GSS: variants seen among roughly 807,000 people sequenced by gnomAD.
The protein encoded by GSS is GSH synthetase.
Under a neutral mutation model 60.4 loss-of-function variants are expected in GSS, and 34 were observed. That is an observed-to-expected ratio of 0.56 (90% CI 0.43 to 0.75). GSS has a LOEUF of 0.75. Among genes scored for constraint, GSS ranks in the 30% least tolerant of loss-of-function variants. The probability of loss-of-function intolerance (pLI) is 0.00; values close to 1 mark genes in which losing one functional copy is unlikely to be tolerated. For missense variants in GSS, 499 were observed against 595.1 expected, an observed-to-expected ratio of 0.84 and a Z score of 1.68; for synonymous variants, 224 against 239.0, an observed-to-expected ratio of 0.94 and a Z score of 0.58.
chr20:34,944,886 C>G lies in GSS; in HGVS notation c.275+1067G>C, dbSNP rs2081508562. The stretch of plus-strand genomic sequence containing the variant: ...GTTCAACAAGTTTTGAATTTTGGAG[C>G]ATTTCAGCTTTTGGATTTTTGGATT... On this transcript the variant is annotated intron_variant, in intron 3 of 12. Transcript: ENST00000651619. Among the ~76,000 whole-genome samples, 3 of 152,176 alleles carry G rather than the reference C, an allele frequency of 2.0e-5. No homozygotes were observed. In the South Asian group the frequency reaches 6.2e-4, roughly 32 times the overall value.
rs780392837 is a variant in GSS at position 34,942,541 on chromosome 20, G to A, written c.438C>T (p.Asn146=). The A allele has an allele frequency of 6.2e-7, 1 of 1,614,094 alleles. No homozygotes were observed. The highest frequency in any genetic ancestry group is 8.5e-7 in the Non-Finnish European group (1 of 1,179,934). The change falls in exon 5 of 13, where the codon AAC becomes AAT. Residue 146 remains asparagine, a synonymous_variant. Transcript: ENST00000651619. The part of the protein sequence containing the change: ...GSPALKQIEI[N]TISASFGGLA... Reference sequence around the variant, plus strand: ...GGCCCCCAAAGCTGGCAGAGATGGTGTTGATTTCGATCTGTTTCAGGGCTG... The same window carrying A: ...GGCCCCCAAAGCTGGCAGAGATGGTATTGATTTCGATCTGTTTCAGGGCTG...
intron 1 of GSS, chr20:34,955,471 C>G (rs534681487): frequency 6.6e-5 from 10 of 152,422 alleles, no homozygotes; most frequent in African/African-American, 2.2e-4. Context: ...CGTTGTAGCT[C>G]TAACTGGCTC....
intron 9 of GSS, 46 bp from the exon 10 acceptor site, chr20:34,932,179 A>G: frequency 6.7e-7 from 1 of 1,481,622 alleles, no homozygotes; most frequent in Non-Finnish European, 9.4e-7. Flanking sequence ...ATTTTACTTC[A>G]GCTGACGTTT....
At chr20:34,935,691 G>C (rs925828335) in intron 8 of GSS, 49 bp from the exon 9 acceptor site, 2 of 1,366,586 alleles carry the variant, frequency 1.5e-6, no homozygotes, top group South Asian at 2.3e-5. Context: ...TAACTGATTT[G>C]TTCAGTGGTT....
rs762050174 is a variant in GSS, at chr20:34,951,708, G to A, written c.129+16C>T. 20 of 1,595,098 alleles carry A rather than the reference G, an allele frequency of 1.3e-5. No homozygotes were observed. The highest frequency in any genetic ancestry group is 8.7e-5 in the Admixed American group (5 of 57,428). ...TGGGCCATGGTGAATGCTGTGGGGAGGAGCTAGGGGCTTACCTCCGAGGAA... is the reference window on the plus strand; with the variant it reads ...TGGGCCATGGTGAATGCTGTGGGGAAGAGCTAGGGGCTTACCTCCGAGGAA... On this transcript the variant is annotated intron_variant, in intron 2 of 12. Transcript: ENST00000651619.
In GSS at chr20:34,929,456, G is replaced by GACC. The variant is rs2081381371; in HGVS notation, c.1245_1246insGGT (p.Ser415_Pro416insGly). On this transcript the variant is annotated inframe_insertion, in exon 12 of 13. Transcript: ENST00000651619. ...GAAATGCACTGGACCACTCGGGCAG[G>GACC]GCTGCCAGGCCGTAGCAGGCAATTC... is the stretch of plus-strand genomic sequence containing the variant. 6.2e-7 allele frequency: 1 copy of GACC among 1,614,014 alleles called. No homozygotes were observed. The highest frequency in any genetic ancestry group is 1.3e-5 in the African/African-American group (1 of 74,910).
chr20:34,941,629 G>A, intron 6 of GSS, 84 bp downstream of exon 6: 1 of 814,174 alleles, frequency 1.2e-6, no homozygotes, highest in Admixed American at 1.7e-5. Flanking sequence ...ATTCTCTAAT[G>A]ATGGCTGGCA....
intron 1 of GSS, among the ~76,000 whole-genome samples, chr20:34,953,623 T>A (rs1231139938): frequency 6.7e-6 from 1 of 148,686 alleles, no homozygotes; most frequent in Non-Finnish European, 1.5e-5. Flanking sequence ...TTTCTTTCTT[T>A]TTTTTTTTTT....
chr20:34,938,385 TC>T (rs1430099635), intron 6 of GSS, among the ~76,000 whole-genome samples: 2 of 152,190 alleles, frequency 1.3e-5, no homozygotes, highest in Non-Finnish European at 2.9e-5. Flanking sequence ...TCTTAGTAAG[TC>T]CCCTCTCCTG....
chr20:34,952,899 C>G (rs1207892573), intron 1 of GSS: 1 of 152,208 alleles, frequency 6.6e-6, no homozygotes, highest in African/African-American at 2.4e-5. Flanking sequence ...AAGGTGAACT[C>G]CTCCCTTATA....
chr20:34,953,798 G>A (rs2081588394), intron 1 of GSS, among the ~76,000 whole-genome samples: 1 of 151,972 alleles, frequency 6.6e-6, no homozygotes, highest in Non-Finnish European at 1.5e-5. Context: ...TGTATTTTTA[G>A]TAGAGACGGG....
At chr20:34,952,092 A>G in intron 1 of GSS, 1 of 570,242 alleles carries the variant, frequency 1.8e-6, no homozygotes, top group Non-Finnish European at 3.2e-6. Flanking sequence ...TTGATTCCCA[A>G]CACAATGGCA....
At position 34,931,330 on chromosome 20, in the gene GSS, A is replaced by C. The variant is rs1269376673; in HGVS notation, c.1111+6T>G. 6.2e-7 allele frequency: 1 copy of C among 1,609,738 alleles called. No homozygotes were observed. Among genetic ancestry groups the C allele is most frequent in the Non-Finnish European group, 8.5e-7 (1 of 1,175,972 alleles). ...TGAGGAGCCCTGCAAAGGGAGATCC[A>C]CCTACCTCCACCCTCTCTCTGGGGC... On this transcript the variant is annotated splice_donor_region_variant and intron_variant, in intron 11 of 12. Coordinates refer to ENST00000651619, the MANE Select transcript of GSS (RefSeq NM_000178.4).
intron 9 of GSS, 21 bp downstream of exon 9, chr20:34,935,555 G>A: frequency 6.4e-7 from 1 of 1,559,590 alleles, no homozygotes; most frequent in Non-Finnish European, 8.8e-7. Context: ...GGCAAAGAAT[G>A]GTCTCACAGA....
In GSS at chr20:34,942,041, A is replaced by C. The variant is rs574333233; in HGVS notation, c.492-212T>G. Among the ~76,000 whole-genome samples, 518 of 152,152 alleles carry C rather than the reference A, an allele frequency of 3.4e-3. 2 individuals are homozygous for C. The highest frequency in any genetic ancestry group is 5.9e-3 in the Non-Finnish European group (404 of 67,990). On this transcript the variant is annotated intron_variant, in intron 5 of 12. Transcript: ENST00000651619. ...TGTATATGCCTGGAGGAGACCTGAG[A>C]GCCTCTGTCCCCACCCCAACCTACC...
In GSS at chr20:34,942,468, G is replaced by C. The variant is rs768715562; in HGVS notation, c.491+20C>G. 1 of 1,609,552 alleles carries C rather than the reference G, an allele frequency of 6.2e-7. No individual in the cohort carries two copies. The highest frequency in any genetic ancestry group is 1.7e-5 in the Admixed American group (1 of 60,004). On this transcript the variant is annotated intron_variant, in intron 5 of 12. Transcript: ENST00000651619. Reference sequence around the variant, plus strand: ...GCATGTCACCCCACAGGTATGCCGGGGGCTGCCCAGGGGACCCACCGGTGC... The same window carrying C: ...GCATGTCACCCCACAGGTATGCCGGCGGCTGCCCAGGGGACCCACCGGTGC...
chr20:34,939,642 C>CTAT (rs1478659057), intron 6 of GSS, among the ~76,000 whole-genome samples: 1 of 150,392 alleles, frequency 6.6e-6, no homozygotes. Context: ...CAAATGATAG[C>CTAT]TATTATTATT....
intron 4 of GSS, 57 bp from the exon 5 acceptor site, chr20:34,942,684 A>G: frequency 1.3e-6 from 2 of 1,528,752 alleles, no homozygotes; most frequent in Non-Finnish European, 1.8e-6. Context: ...CTGAGGACCT[A>G]GCCACAGAGC....
At chr20:34,931,100 C>T (rs1200742536) in intron 11 of GSS, among the ~76,000 whole-genome samples, 2 of 152,216 alleles carry the variant, frequency 1.3e-5, no homozygotes, top group Non-Finnish European at 2.9e-5. Context: ...AACAATCTAC[C>T]CACAGGCACC....
Sources: gnomAD v4.1 joint callset for allele counts (sites outside exome capture counted in the v4.1 genomes callset) on GRCh38, gnomAD v4.1.1 for gene constraint, MANE v1.5 for transcripts, NCBI Gene and HGNC (gene_info 2026-07-23, HGNC 2026-07-21) for gene names.